The following STAG2 variants were observed in gnomAD, a reference collection of about 807,000 sequenced individuals.
The protein encoded by STAG2 is STAG2 cohesin complex component, also known as cohesin subunit SA-2.
STAG2 carries 14 observed loss-of-function variants against 108.1 expected under a neutral mutation model. That is an observed-to-expected ratio of 0.13 (90% CI 0.09 to 0.20). The LOEUF (loss-of-function observed/expected upper bound fraction) is 0.20, where lower values mean the gene tolerates loss of function less well. Ranked by LOEUF, STAG2 falls within the 10% of genes least tolerant of loss-of-function variation. STAG2 has a pLI of 1.00. For synonymous variants in STAG2, 307 were observed against 302.7 expected, an observed-to-expected ratio of 1.01 and a Z score of -0.15; for missense variants, 440 against 940.9, an observed-to-expected ratio of 0.47 and a Z score of 6.96.
In STAG2 at chrX:124,035,765, C is replaced by T. The variant is rs886338746; in HGVS notation, c.289-1762C>T. ...TACAAATGGCCTTTCTATGTGGCTACGGCTTCTTACAGTATGGCGTCTGGG... is the reference window on the plus strand; with the variant it reads ...TACAAATGGCCTTTCTATGTGGCTATGGCTTCTTACAGTATGGCGTCTGGG... On this transcript the variant is annotated intron_variant, in intron 5 of 34. Coordinates refer to ENST00000371145, the MANE Select transcript of STAG2 (RefSeq NM_001042750.2). Among the ~76,000 whole-genome samples, 5 of 112,018 alleles carry T rather than the reference C, an allele frequency of 4.5e-5. No homozygotes were observed. The East Asian group carries it at 8.4e-4, about 19-fold the overall frequency.
chrX:124,011,954 T>A (rs1250174981), intron 1 of STAG2, among the ~76,000 whole-genome samples: 1 of 111,893 alleles, frequency 8.9e-6, no homozygotes, highest in African/African-American at 3.2e-5. Flanking sequence ...ATTCAAACCA[T>A]AGCAGGTGAT....
rs755547155 is a variant in STAG2, at chrX:123,987,904, GC to G, written c.-163+26050del. ...TTTGTATTATGAATATTACAGAAGT[GC>G]CTAGAAGTGCATATGGAGATGAAAA... On this transcript the variant is annotated intron_variant, in intron 1 of 34. Coordinates refer to ENST00000371145, the MANE Select transcript of STAG2 (RefSeq NM_001042750.2). Among the ~76,000 whole-genome samples the G allele has an allele frequency of 4.5e-3, 500 of 111,690 alleles. 2 individuals carry two copies. Among genetic ancestry groups the G allele is most frequent in the Middle Eastern group, 0.019 (4 of 214 alleles).
intron 1 of STAG2, among the ~76,000 whole-genome samples, chrX:123,995,609 G>C (rs940455571): frequency 3.3e-4 from 37 of 110,635 alleles, no homozygotes; most frequent in African/African-American, 1.2e-3. Context: ...CAGGAGAATG[G>C]CGTGAACCCG....
At chrX:124,035,068 T>C (rs2057475670) in intron 5 of STAG2, among the ~76,000 whole-genome samples, 1 of 109,994 alleles carries the variant, frequency 9.1e-6, no homozygotes, top group Non-Finnish European at 1.9e-5. Context: ...AGCTAATTTT[T>C]GTTTGTACCT....
At chrX:123,993,986 T>C (rs1412499041) in intron 1 of STAG2, among the ~76,000 whole-genome samples, 2 of 111,802 alleles carry the variant, frequency 1.8e-5, no homozygotes, top group African/African-American at 3.2e-5. Flanking sequence ...GCTGTCTTAG[T>C]CCATTTGTGT....
chrX:124,075,239 CAT>C (rs1222700998), intron 25 of STAG2, among the ~76,000 whole-genome samples: 1 of 112,128 alleles, frequency 8.9e-6, no homozygotes, highest in Non-Finnish European at 1.9e-5. Context: ...GGCTAATAAA[CAT>C]AAACAATTTT....
At chrX:124,042,056 A>G (rs1303097338) in intron 6 of STAG2, among the ~76,000 whole-genome samples, 1 of 111,327 alleles carries the variant, frequency 9.0e-6, no homozygotes, top group South Asian at 3.8e-4. Context: ...CTAGGTGGGC[A>G]GGAACTACAA....
At chrX:124,065,766 C>T (rs1392723129) in intron 20 of STAG2, 110 bp from the exon 21 acceptor site, 1 of 504,466 alleles carries the variant, frequency 2.0e-6, no homozygotes, top group Non-Finnish European at 2.9e-6. Context: ...TGACAAAGTT[C>T]ATTTGTGGGT....
rs113268677 is a variant in STAG2 at position 124,007,017 on chromosome X, T to C, written c.-162-14350T>C. Among the ~76,000 whole-genome samples the C allele has an allele frequency of 6.7e-3, 744 of 110,653 alleles. 6 individuals are homozygous for C. Among genetic ancestry groups the C allele is most frequent in the African/African-American group, 0.023 (701 of 30,371 alleles). On this transcript the variant is annotated intron_variant, in intron 1 of 34. Coordinates refer to ENST00000371145, the MANE Select transcript of STAG2 (RefSeq NM_001042750.2). ...TTTCTTTCCTTCTTTTTTTTAAAAA[T>C]AGAGACATAGTCTTGCTCTGTCACC...
At chrX:124,006,682 G>A (rs185102184) in intron 1 of STAG2, among the ~76,000 whole-genome samples, 30 of 110,574 alleles carry the variant, frequency 2.7e-4, no homozygotes, top group South Asian at 1.2e-3. Flanking sequence ...CTTGTGATCC[G>A]CCCACCTCGG....
chrX:124,020,868 C>T (rs777693648), intron 1 of STAG2, among the ~76,000 whole-genome samples: 9 of 111,810 alleles, frequency 8.0e-5, no homozygotes, highest in African/African-American at 1.3e-4. Context: ...GACAGGGTTT[C>T]GCCATGTTGG....
intron 4 of STAG2, among the ~76,000 whole-genome samples, chrX:124,026,394 A>G (rs1172953280): frequency 9.0e-6 from 1 of 111,522 alleles, no homozygotes; most frequent in African/African-American, 3.3e-5. Context: ...AAAAAATTAC[A>G]AAGTTAAGTT....
At chrX:124,030,828 T>C (rs1234091099) in intron 4 of STAG2, 133 bp from the exon 5 acceptor site, 8 of 636,991 alleles carry the variant, frequency 1.3e-5, no homozygotes, top group Non-Finnish European at 1.8e-5. Flanking sequence ...TATATCATTT[T>C]GTTATAAGTG....
intron 1 of STAG2, among the ~76,000 whole-genome samples, chrX:124,008,748 A>G (rs2056395272): frequency 8.9e-6 from 1 of 111,875 alleles, no homozygotes; most frequent in Admixed American, 9.5e-5. Flanking sequence ...TGAAAAGATC[A>G]TTTTGAGTAT....
At chrX:123,966,848 A>G (rs1027729206) in intron 1 of STAG2, among the ~76,000 whole-genome samples, 1 of 111,947 alleles carries the variant, frequency 8.9e-6, no homozygotes, top group African/African-American at 3.3e-5. Flanking sequence ...GACACCAAGA[A>G]GTCTTTACAT....
chrX:123,989,748 C>T (rs768558170), intron 1 of STAG2, among the ~76,000 whole-genome samples: 39 of 108,553 alleles, frequency 3.6e-4, no homozygotes, highest in African/African-American at 1.2e-3. Flanking sequence ...GGATTACAGG[C>T]GCCCGCCACC....
rs555144165 is a variant in STAG2 at position 123,966,349 on chromosome X, C to G, written c.-163+4493C>G. The stretch of plus-strand genomic sequence containing the variant: ...TGGTGGTGCGCGTCTGTAGTCCCAG[C>G]TGCTTGGGAGGCTGAGGCAGGAGAA... On this transcript the variant is annotated intron_variant, in intron 1 of 34. Coordinates refer to ENST00000371145, the MANE Select transcript of STAG2 (RefSeq NM_001042750.2). 1.6e-4 allele frequency among the ~76,000 whole-genome samples: 17 copies of G among 109,646 alleles called. No homozygotes were observed. In the South Asian group the frequency reaches 6.4e-3, roughly 41 times the overall value.
At chrX:124,022,389 A>G (rs1286179872) in intron 2 of STAG2, 142 bp from the exon 3 acceptor site, 3 of 287,621 alleles carry the variant, frequency 1.0e-5, no homozygotes, top group Non-Finnish European at 1.8e-5. Context: ...AAAAAAAAGA[A>G]AGCAGTCAAA....
At chrX:123,969,458 T>C (rs747637233) in intron 1 of STAG2, among the ~76,000 whole-genome samples, 2 of 111,335 alleles carry the variant, frequency 1.8e-5, no homozygotes, top group Non-Finnish European at 3.8e-5. Context: ...TTTTTTGTTA[T>C]TTAATTGTAC....
Sources: gnomAD v4.1 joint callset for allele counts (sites outside exome capture counted in the v4.1 genomes callset) on GRCh38, gnomAD v4.1.1 for gene constraint, MANE v1.5 for transcripts, NCBI Gene and HGNC (gene_info 2026-07-23, HGNC 2026-07-21) for gene names.